BPTF: variants seen among roughly 807,000 people sequenced by gnomAD.
The protein encoded by BPTF is nucleosome-remodeling factor subunit BPTF.
A neutral mutation model predicts 292.5 loss-of-function variants in BPTF; 18 were observed. That is an observed-to-expected ratio of 0.06 (90% CI 0.04 to 0.09). The LOEUF (loss-of-function observed/expected upper bound fraction) is 0.09, where lower values mean the gene tolerates loss of function less well. Ranked by LOEUF, BPTF falls within the 10% of genes least tolerant of loss-of-function variation. The pLI, the probability that BPTF is intolerant of heterozygous loss-of-function variation, is 1.00. For missense variants in BPTF, 2,726 were observed against 3,498.7 expected (o/e 0.78, Z 5.57); for synonymous variants, 1,225 against 1,251.9 (o/e 0.98, Z 0.45).
chr17:67,979,278 T>A (rs1229006932), intron 27 of BPTF, among the ~76,000 whole-genome samples: 2 of 151,068 alleles, frequency 1.3e-5, no homozygotes, highest in Non-Finnish European at 2.9e-5. Context: ...CCGGGCACGG[T>A]GGTTTACATC....
At chr17:67,977,012 A>G (rs577064115) in intron 27 of BPTF, among the ~76,000 whole-genome samples, 1 of 152,280 alleles carries the variant, frequency 6.6e-6, no homozygotes, top group East Asian at 1.9e-4. Flanking sequence ...AAAACCGACA[A>G]TCTATAAAAC....
At chr17:67,826,639 C>T (rs1398641345) in intron 1 of BPTF, among the ~76,000 whole-genome samples, 1 of 150,180 alleles carries the variant, frequency 6.7e-6, no homozygotes, top group African/African-American at 2.4e-5. Context: ...GTGTCTCCAC[C>T]GGGCAGGATT....
At chr17:67,863,285 CT>C (rs1054233561) in intron 2 of BPTF, among the ~76,000 whole-genome samples, 1 of 152,088 alleles carries the variant, frequency 6.6e-6, no homozygotes, top group African/African-American at 2.4e-5. Flanking sequence ...ACCTTCTTTT[CT>C]TTTTCTTTTC....
rs758887861 is a variant in BPTF at position 67,825,595 on chromosome 17, C to A, written c.-130C>A. 2.5e-6 allele frequency: 1 copy of A among 402,954 alleles called. No homozygotes were observed. 25.0% of individuals were successfully genotyped at this position (402,954 alleles called of 1,614,324 possible). A position where few individuals can be genotyped will look rare whatever the true frequency, so the allele number is the denominator to read the frequency against. On this transcript the variant is annotated 5_prime_UTR_variant, in exon 1 of 28. Transcript: ENST00000306378. ...TCGGATTGAGCCTTCTCCCTCCACC[C>A]GCTTCCGTCGGCCGGGCCCCTCCCG...
chr17:67,915,427 T>A (rs889419394), intron 11 of BPTF, among the ~76,000 whole-genome samples: 1 of 152,200 alleles, frequency 6.6e-6, no homozygotes, highest in African/African-American at 2.4e-5. Flanking sequence ...TACTTCCCTT[T>A]ACAACCCATC....
chr17:67,912,032 A>G lies in BPTF; in HGVS notation c.4148A>G (p.Asn1383Ser), dbSNP rs2062688625. Reference sequence around the variant, plus strand: ...TGTAGTGATCAAATAAAGCTAAAAAATACCACTGACAAAAAGAATAATGAA... The same window carrying G: ...TGTAGTGATCAAATAAAGCTAAAAAGTACCACTGACAAAAAGAATAATGAA... ...NKCSDQIKLK[N>S]TTDKKNNENR... The change falls in exon 11 of 28, where the codon AAT becomes AGT. Residue 1383 changes from asparagine to serine, a missense_variant. Transcript: ENST00000306378. 1.2e-5 allele frequency: 20 copies of G among 1,612,930 alleles called. No individual in the cohort carries two copies. The highest frequency in any genetic ancestry group is 1.7e-5 in the Non-Finnish European group (20 of 1,179,752).
intron 6 of BPTF, 55 bp from the exon 7 acceptor site, chr17:67,893,979 T>G (rs2061287598): frequency 5.0e-6 from 8 of 1,593,128 alleles, no homozygotes; most frequent in Non-Finnish European, 6.9e-6. Context: ...CTATTGTGCT[T>G]TTAATTTAAG....
intron 21 of BPTF, 36 bp downstream of exon 21, chr17:67,946,361 C>T: frequency 6.2e-7 from 1 of 1,601,200 alleles, no homozygotes. Flanking sequence ...TGTTCAGTAG[C>T]TTGAATTATT....
rs2061264087 is a variant in BPTF, at chr17:67,893,620, T to C, written c.2306T>C (p.Val769Ala). The change falls in exon 6 of 28, where the codon GTC (valine) becomes GCC (alanine). Residue 769 changes from valine to alanine, a missense_variant. Val to Ala is a moderately conservative substitution (Grantham distance 64, BLOSUM62 0). Transcript: ENST00000306378. ...GGAGAGTTCAAATGGAACGGTTCTG[T>C]CCATGGGTCCAAAGTTCTTACCATA... ...PAGEFKWNGS[V>A]HGSKVLTIST... 6.2e-7 allele frequency: 1 copy of C among 1,611,584 alleles called. No homozygotes were observed. The highest frequency in any genetic ancestry group is 1.3e-5 in the African/African-American group (1 of 74,832).
rs1598743990 is a variant in BPTF, at chr17:67,931,812, T to G, written c.6151-99T>G. 8 of 779,094 alleles carry G rather than the reference T, an allele frequency of 1.0e-5. No individual in the cohort carries two copies. In the East Asian group the frequency reaches 2.4e-4, roughly 23 times the overall value. 48.3% of individuals were successfully genotyped at this position (779,094 alleles called of 1,614,324 possible). ...AGCCCCTGTCATTCCTGTAAACATT[T>G]TTATTAATATAGAATGTTTAAAGAT... is the stretch of plus-strand genomic sequence containing the variant. On this transcript the variant is annotated intron_variant, in intron 17 of 27. Coordinates refer to ENST00000306378, the MANE Select transcript of BPTF (RefSeq NM_182641.4).
intron 2 of BPTF, among the ~76,000 whole-genome samples, chr17:67,863,762 C>T (rs1475709910): frequency 1.3e-5 from 2 of 152,150 alleles, no homozygotes; most frequent in African/African-American, 2.4e-5. Context: ...TGGACATGAA[C>T]TTTGGGGACA....
At chr17:67,941,473 T>C (rs1200799121) in intron 19 of BPTF, among the ~76,000 whole-genome samples, 2 of 152,100 alleles carry the variant, frequency 1.3e-5, no homozygotes, top group African/African-American at 4.8e-5. Context: ...AAAAACTTAG[T>C]ATATAATACT....
chr17:67,912,852 G>A lies in BPTF; in HGVS notation c.4968G>A (p.Val1656=), dbSNP rs1334068554. Residue 1656 remains valine (V), a synonymous_variant, in exon 11 of 28, where the codon GTG becomes GTA. Coordinates refer to ENST00000306378, the MANE Select transcript of BPTF (RefSeq NM_182641.4). The stretch of plus-strand genomic sequence containing the variant: ...CTGTAAAGGAGCAGAGCAAAACCGT[G>A]GTCACCACGACAGTGACAGACTCCC... ...IISVKEQSKT[V]VTTTVTDSLT... 1.2e-6 allele frequency: 2 copies of A among 1,614,042 alleles called. No individual in the cohort carries two copies. Among genetic ancestry groups the A allele is most frequent in the Admixed American group, 1.7e-5 (1 of 59,996 alleles).
intron 2 of BPTF, among the ~76,000 whole-genome samples, chr17:67,857,230 C>T (rs2058749313): frequency 7.1e-6 from 1 of 141,392 alleles, no homozygotes; most frequent in Admixed American, 7.9e-5. Flanking sequence ...GGCGTGATCT[C>T]GGCTTACTGC....
intron 13 of BPTF, among the ~76,000 whole-genome samples, chr17:67,922,522 A>G (rs1427291369): frequency 1.3e-5 from 2 of 152,140 alleles, no homozygotes; most frequent in African/African-American, 4.8e-5. Context: ...GGAGGCTTGG[A>G]ATAGTGCTCC....
At chr17:67,907,972 A>C (rs2062352037) in intron 9 of BPTF, among the ~76,000 whole-genome samples, 1 of 152,160 alleles carries the variant, frequency 6.6e-6, no homozygotes, top group African/African-American at 2.4e-5. Flanking sequence ...AACTTCAAGG[A>C]GTCCAAGAAC....
At chr17:67,837,673 G>A (rs1316974854) in intron 1 of BPTF, among the ~76,000 whole-genome samples, 1 of 152,186 alleles carries the variant, frequency 6.6e-6, no homozygotes, top group African/African-American at 2.4e-5. Flanking sequence ...GCCTCTCAAA[G>A]TGCTGGGATT....
chr17:67,844,744 T>A (rs4517830), intron 1 of BPTF, among the ~76,000 whole-genome samples: 2,197 of 151,874 alleles, frequency 0.014, 53 homozygotes, highest in African/African-American at 0.047. Context: ...TATCTGATTT[T>A]TTTATTTATT....
chr17:67,863,232 G>T (rs1346182303), intron 2 of BPTF, among the ~76,000 whole-genome samples: 1 of 152,104 alleles, frequency 6.6e-6, no homozygotes, highest in Non-Finnish European at 1.5e-5. Flanking sequence ...AGCATTTCTT[G>T]GTTTACAAAC....
Sources: gnomAD v4.1 joint callset for allele counts (sites outside exome capture counted in the v4.1 genomes callset) on GRCh38, gnomAD v4.1.1 for gene constraint, MANE v1.5 for transcripts, NCBI Gene and HGNC (gene_info 2026-07-23, HGNC 2026-07-21) for gene names.